Variants in EHMT1 observed in about 807,000 individuals in gnomAD.
EHMT1 encodes the protein histone-lysine N-methyltransferase EHMT1.
Under a neutral mutation model 147.2 loss-of-function variants are expected in EHMT1, and 15 were observed. The observed-to-expected ratio is 0.10, with a 90% CI of 0.07 to 0.16. The LOEUF (loss-of-function observed/expected upper bound fraction) is 0.16. Among genes scored for constraint, EHMT1 ranks in the 10% least tolerant of loss-of-function variants. The probability of loss-of-function intolerance (pLI) is 1.00; values close to 1 mark genes in which losing one functional copy is unlikely to be tolerated. For missense variants in EHMT1, 1,587 were observed against 1,772.4 expected (o/e 0.90, Z 1.88); for synonymous variants, 795 against 709.6 (o/e 1.12, Z -1.91).
Position 137,831,332 on chromosome 9 carries a change from T to A in EHMT1, c.3541-3017T>A, listed in dbSNP as rs1262266280. On this transcript the variant is annotated intron_variant, in intron 25 of 26. Transcript: ENST00000460843. ...GATAGTGCACGAGCCCTTACCTTTCTCCCGACAGGATTTGGGGAGAGTCAT... is the reference window on the plus strand; with the variant it reads ...GATAGTGCACGAGCCCTTACCTTTCACCCGACAGGATTTGGGGAGAGTCAT... 2.0e-5 allele frequency among the ~76,000 whole-genome samples: 3 copies of A among 151,994 alleles called. No homozygotes were observed. The East Asian group carries it at 5.8e-4, about 29-fold the overall frequency.
At position 137,813,234 on chromosome 9, in the gene EHMT1, T is replaced by C. The variant is rs1954636222; in HGVS notation, c.3035+61T>C. 1 of 1,588,418 alleles carries C rather than the reference T, an allele frequency of 6.3e-7. No individual in the cohort carries two copies. Among genetic ancestry groups the C allele is most frequent in the Non-Finnish European group, 8.5e-7 (1 of 1,173,394 alleles). On this transcript the variant is annotated intron_variant, in intron 20 of 26. Transcript: ENST00000460843. The surrounding 1 kb of genome is among the most constrained non-coding windows in gnomAD (Gnocchi z 4.9). ...AGCGGTCAGCAGGGCTTTGGGAACT[T>C]GCGGTGAAAGCTGCTCCTGAAGCCG...
At position 137,780,261 on chromosome 9, in the gene EHMT1, G is replaced by T. The variant is rs961894208; in HGVS notation, c.2275+544G>T. ...CTGGGATGTGTGGTGATGACGCTGG[G>T]ATGTGTGGTGATGATGCTGGGATGT... On this transcript the variant is annotated intron_variant, in intron 14 of 26. Coordinates refer to ENST00000460843, the MANE Select transcript of EHMT1 (RefSeq NM_024757.5). Among the ~76,000 whole-genome samples the T allele has an allele frequency of 6.9e-4, 103 of 149,308 alleles. 1 individual carries two copies. Among genetic ancestry groups the T allele is most frequent in the Non-Finnish European group, 1.1e-3 (76 of 67,472 alleles).
At chr9:137,692,784 T>C (rs1357706730) in intron 1 of EHMT1, among the ~76,000 whole-genome samples, 1 of 152,156 alleles carries the variant, frequency 6.6e-6, no homozygotes, top group Non-Finnish European at 1.5e-5. Flanking sequence ...GAAGCCATCA[T>C]GCTCCAGTGC....
intron 18 of EHMT1, chr9:137,802,813 G>C (rs2137433357): frequency 8.1e-7 from 1 of 1,231,920 alleles, no homozygotes; most frequent in East Asian, 3.2e-5. Flanking sequence ...TATCCAGGGG[G>C]TTTCTACCTC....
At position 137,787,535 on chromosome 9, in the gene EHMT1, A is replaced by G; in HGVS notation, c.2383-3313A>G. ...ACACGTGGGGTAGTTAGTAAACACC[A>G]TGGACTCCCAGCAAGGCTGCTGCCT... On this transcript the variant is annotated intron_variant, in intron 15 of 26. Transcript: ENST00000460843. This position sits in a 1 kb window ranked among gnomAD's most constrained non-coding sequence, Gnocchi z 4.2. The G allele has an allele frequency of 2.5e-6, 1 of 400,254 alleles. No individual in the cohort carries two copies. Among genetic ancestry groups the G allele is most frequent in the Non-Finnish European group, 4.6e-6 (1 of 216,068 alleles). The allele number at this position is 400,254 out of a possible 1,614,324, so 24.8% of individuals were successfully genotyped here. A position where few individuals can be genotyped will look rare whatever the true frequency, so the allele number is the denominator to read the frequency against.
chr9:137,774,792 G>A (rs1950838498), intron 10 of EHMT1, among the ~76,000 whole-genome samples: 1 of 150,558 alleles, frequency 6.6e-6, no homozygotes, highest in South Asian at 2.1e-4. Context: ...TGGTGGGTGT[G>A]GGCACGCCTG....
chr9:137,794,650 GAAAAA>G (rs11302977), intron 16 of EHMT1, among the ~76,000 whole-genome samples: 1 of 106,230 alleles, frequency 9.4e-6, no homozygotes, highest in Non-Finnish European at 2.1e-5. Context: ...CCATCTCTAA[GAAAAA>G]AAAAAAAAAA....
At chr9:137,642,374 T>C (rs954995951) in intron 1 of EHMT1, among the ~76,000 whole-genome samples, 3 of 151,956 alleles carry the variant, frequency 2.0e-5, no homozygotes, top group African/African-American at 7.3e-5. Flanking sequence ...GGCATGATCA[T>C]AGTGCACCGT....
intron 1 of EHMT1, among the ~76,000 whole-genome samples, chr9:137,636,790 A>G (rs1564527196): frequency 6.7e-6 from 1 of 149,508 alleles, no homozygotes; most frequent in Non-Finnish European, 1.5e-5. Flanking sequence ...ATTTGCTAGT[A>G]TTTTGTTGGG....
intron 1 of EHMT1, among the ~76,000 whole-genome samples, chr9:137,623,620 C>T (rs1843074739): frequency 6.6e-6 from 1 of 152,014 alleles, no homozygotes; most frequent in African/African-American, 2.4e-5. Flanking sequence ...GGGGTTTCAA[C>T]TTCTTGGCGA....
intron 1 of EHMT1, among the ~76,000 whole-genome samples, chr9:137,644,896 A>G (rs1190563868): frequency 6.6e-6 from 1 of 151,122 alleles, no homozygotes; most frequent in Non-Finnish European, 1.5e-5. Context: ...TTTTTAAGAG[A>G]CAGTCTCCCT....
chr9:137,835,084 C>A lies in EHMT1; in HGVS notation c.*131C>A. ...TGCGCCGCCGGCTTCCTGGAGGGGTCGGAGGTGAGGCTGCAGCCCCTGCGG... is the reference window on the plus strand; with the variant it reads ...TGCGCCGCCGGCTTCCTGGAGGGGTAGGAGGTGAGGCTGCAGCCCCTGCGG... On this transcript the variant is annotated 3_prime_UTR_variant, in exon 27 of 27. Transcript: ENST00000460843. 3 of 1,122,318 alleles carry A rather than the reference C, an allele frequency of 2.7e-6. No homozygotes were observed. Among genetic ancestry groups the A allele is most frequent in the Non-Finnish European group, 2.3e-6 (2 of 860,698 alleles). The allele number at this position is 1,122,318 out of a possible 1,614,324, so 69.5% of individuals were successfully genotyped here.
intron 18 of EHMT1, chr9:137,802,469 A>C: frequency 2.5e-6 from 1 of 398,696 alleles, no homozygotes; most frequent in Non-Finnish European, 4.4e-6. Flanking sequence ...AATTGATAAT[A>C]AGAAAGAAGA....
chr9:137,745,444 T>G, intron 6 of EHMT1: 1 of 398,548 alleles, frequency 2.5e-6, no homozygotes, highest in Non-Finnish European at 4.4e-6. Flanking sequence ...TTTAAGATAA[T>G]TATTAGTTTT....
At chr9:137,704,425 C>T (rs1944083486) in intron 1 of EHMT1, among the ~76,000 whole-genome samples, 1 of 152,084 alleles carries the variant, frequency 6.6e-6, no homozygotes, top group East Asian at 1.9e-4. Context: ...TGAGGATTTT[C>T]TATTGGTTTT....
intron 4 of EHMT1, among the ~76,000 whole-genome samples, chr9:137,729,079 G>A (rs372530822): frequency 1.2e-4 from 19 of 152,124 alleles, no homozygotes; most frequent in Non-Finnish European, 1.9e-4. Flanking sequence ...CAGAGTGAGC[G>A]CTGCGTCAGG....
intron 14 of EHMT1, among the ~76,000 whole-genome samples, chr9:137,781,401 T>C (rs945571160): frequency 1.4e-5 from 2 of 141,332 alleles, no homozygotes; most frequent in Admixed American, 1.4e-4. Context: ...GACGCTGGGA[T>C]GTGTGGTGAT....
At chr9:137,689,746 T>G (rs185747719) in intron 1 of EHMT1, among the ~76,000 whole-genome samples, 140 of 152,296 alleles carry the variant, frequency 9.2e-4, no homozygotes, top group African/African-American at 2.7e-3. Flanking sequence ...CACATTTTTT[T>G]GGGTACCTGC....
At chr9:137,740,558 C>G (rs1227037301) in intron 4 of EHMT1, among the ~76,000 whole-genome samples, 1 of 152,222 alleles carries the variant, frequency 6.6e-6, no homozygotes, top group Non-Finnish European at 1.5e-5. Context: ...GCTGGAAGTC[C>G]CCCTGCAGGA....
Sources: allele counts gnomAD v4.1 joint callset (sites outside exome capture counted in the v4.1 genomes callset), GRCh38; gene constraint gnomAD v4.1.1; non-coding constraint Gnocchi (gnomAD v3.1); transcripts MANE v1.5; gene names NCBI Gene and HGNC (gene_info 2026-07-23, HGNC 2026-07-21).